The following HECW2 variants were observed in gnomAD, a reference collection of about 807,000 sequenced individuals.
The protein encoded by HECW2 is E3 ubiquitin-protein ligase HECW2.
A neutral mutation model predicts 175.2 loss-of-function variants in HECW2; 61 were observed. That is an observed-to-expected ratio of 0.35 (90% CI 0.28 to 0.43). HECW2 has a LOEUF of 0.43. Ranked by LOEUF, HECW2 falls within the 20% of genes least tolerant of loss-of-function variation. HECW2 has a pLI of 1.00. For missense variants in HECW2, 1,524 were observed against 2,000.5 expected (o/e 0.76, Z 4.54); for synonymous variants, 671 against 731.0 (o/e 0.92, Z 1.32).
At position 196,278,478 on chromosome 2, in the gene HECW2, C is replaced by G. The variant is rs1262891433; in HGVS notation, c.3135+50G>C. On this transcript the variant is annotated intron_variant, in intron 15 of 28. Transcript: ENST00000644978. ...GTCAAATTCCTCAAACCATCACATA[C>G]TAGAAGCTTCTATCAACCAACAGGT... The G allele has an allele frequency of 1.9e-6, 3 of 1,582,176 alleles. No individual in the cohort carries two copies. In the African/African-American group the frequency reaches 4.1e-5, roughly 21 times the overall value.
At chr2:196,249,557 C>T (rs1688781353) in intron 19 of HECW2, among the ~76,000 whole-genome samples, 1 of 152,114 alleles carries the variant, frequency 6.6e-6, no homozygotes, top group Non-Finnish European at 1.5e-5. Context: ...TCTCACACCA[C>T]TAAAAGGGGT....
At chr2:196,560,574 T>G (rs1358885966) in intron 1 of HECW2, among the ~76,000 whole-genome samples, 2 of 152,194 alleles carry the variant, frequency 1.3e-5, no homozygotes, top group Admixed American at 6.5e-5. Flanking sequence ...GATATATATT[T>G]TACCAGTTCA....
At chr2:196,532,685 C>G (rs147002526) in intron 1 of HECW2, among the ~76,000 whole-genome samples, 25 of 152,172 alleles carry the variant, frequency 1.6e-4, no homozygotes, top group African/African-American at 4.8e-4. Context: ...AAAAAAATTA[C>G]CATCTTCCAG....
chr2:196,332,162 A>T (rs1692388977), intron 4 of HECW2, among the ~76,000 whole-genome samples: 2 of 152,154 alleles, frequency 1.3e-5, no homozygotes, highest in Admixed American at 1.3e-4. Context: ...CATGATTAGC[A>T]TGACAGCTCA....
intron 1 of HECW2, among the ~76,000 whole-genome samples, chr2:196,528,524 C>T (rs1171303258): frequency 2.0e-5 from 3 of 152,176 alleles, no homozygotes; most frequent in African/African-American, 7.2e-5. Context: ...GGCAGAAACA[C>T]CAGGACTAGA....
In HECW2 at chr2:196,194,236, T is replaced by C. The variant is rs896251840; in HGVS notation, c.*7041A>G. 1 of 151,644 alleles carries C rather than the reference T, an allele frequency of 6.6e-6. No homozygotes were observed. Among genetic ancestry groups the C allele is most frequent in the Non-Finnish European group, 1.5e-5 (1 of 67,830 alleles). The allele number at this position is 151,644 out of a possible 1,614,324, so 9.4% of individuals were successfully genotyped here. On this transcript the variant is annotated 3_prime_UTR_variant, in exon 29 of 29. Coordinates refer to ENST00000644978, the MANE Select transcript of HECW2 (RefSeq NM_001348768.2). ...ATATAAATAAAAATAAACAAAATAC[T>C]ATAAATACTATGAAAACAGAACCTC...
chr2:196,362,575 T>G (rs897068220), intron 2 of HECW2, among the ~76,000 whole-genome samples: 1 of 152,218 alleles, frequency 6.6e-6, no homozygotes. Flanking sequence ...TGTGGACTTG[T>G]GATTTCAAAC....
intron 28 of HECW2, among the ~76,000 whole-genome samples, chr2:196,210,637 G>A (rs1687249431): frequency 6.6e-6 from 1 of 151,196 alleles, no homozygotes; most frequent in South Asian, 2.1e-4. Flanking sequence ...CTTTTGAGAT[G>A]GAGTCTCACT....
intron 1 of HECW2, among the ~76,000 whole-genome samples, chr2:196,584,188 G>A (rs1690894234): frequency 6.6e-6 from 1 of 152,214 alleles, no homozygotes. Flanking sequence ...GCCTGAAAGA[G>A]TAAGTAGAAG....
At chr2:196,344,264 C>T (rs1456210742) in intron 2 of HECW2, among the ~76,000 whole-genome samples, 1 of 128,962 alleles carries the variant, frequency 7.8e-6, no homozygotes, top group Non-Finnish European at 1.6e-5. Flanking sequence ...AAGTTCATCA[C>T]ATCTGTCAGG....
At chr2:196,352,302 C>T (rs1693198143) in intron 2 of HECW2, among the ~76,000 whole-genome samples, 1 of 152,122 alleles carries the variant, frequency 6.6e-6, no homozygotes, top group African/African-American at 2.4e-5. Flanking sequence ...TTGCTGAGAA[C>T]AGTGTGCCCG....
intron 1 of HECW2, among the ~76,000 whole-genome samples, chr2:196,531,341 C>A (rs1486899431): frequency 1.3e-5 from 2 of 152,092 alleles, no homozygotes; most frequent in Non-Finnish European, 2.9e-5. Context: ...TGTACTTTAA[C>A]AAATACACTA....
chr2:196,541,343 GA>G (rs1238638867), intron 1 of HECW2, among the ~76,000 whole-genome samples: 1 of 152,008 alleles, frequency 6.6e-6, no homozygotes, highest in Non-Finnish European at 1.5e-5. Flanking sequence ...GAGAGGAAAA[GA>G]AAAAGTGATT....
intron 1 of HECW2, among the ~76,000 whole-genome samples, chr2:196,552,414 A>G (rs1394513220): frequency 1.3e-5 from 2 of 152,108 alleles, no homozygotes; most frequent in Admixed American, 1.3e-4. Context: ...TACTTTCCCC[A>G]TTCTCCTCAA....
At chr2:196,427,784 C>T (rs1695590431) in intron 2 of HECW2, among the ~76,000 whole-genome samples, 5 of 152,254 alleles carry the variant, frequency 3.3e-5, no homozygotes, top group Non-Finnish European at 7.4e-5. Flanking sequence ...CTCTAGAAAT[C>T]TCAGGGTGTA....
intron 21 of HECW2, among the ~76,000 whole-genome samples, chr2:196,235,941 G>A (rs1284644157): frequency 6.6e-6 from 1 of 152,100 alleles, no homozygotes; most frequent in Non-Finnish European, 1.5e-5. Context: ...ACAGGCATGA[G>A]CCACTGTGCC....
At chr2:196,311,010 A>G (rs1289629583) in intron 10 of HECW2, among the ~76,000 whole-genome samples, 1 of 152,238 alleles carries the variant, frequency 6.6e-6, no homozygotes, top group Non-Finnish European at 1.5e-5. Context: ...AGAACCTAGT[A>G]ACATTTTATG....
At chr2:196,500,901 G>T (rs943236658) in intron 1 of HECW2, among the ~76,000 whole-genome samples, 1 of 152,164 alleles carries the variant, frequency 6.6e-6, no homozygotes, top group Non-Finnish European at 1.5e-5. Context: ...GTCAAGGCAG[G>T]CTTGATTGGA....
At chr2:196,246,248 C>A (rs1240316566) in intron 19 of HECW2, among the ~76,000 whole-genome samples, 1 of 152,208 alleles carries the variant, frequency 6.6e-6, no homozygotes, top group African/African-American at 2.4e-5. Context: ...GTGCTCCAGT[C>A]TGAGAAACTG....
Sources: allele counts gnomAD v4.1 joint callset (sites outside exome capture counted in the v4.1 genomes callset), GRCh38; gene constraint gnomAD v4.1.1; transcripts MANE v1.5; gene names NCBI Gene and HGNC (gene_info 2026-07-23, HGNC 2026-07-21).